Variants in FANCL observed in about 807,000 individuals in gnomAD.
FANCL encodes the protein FA complementation group L.
In FANCL, 69 loss-of-function variants were observed where a neutral mutation model predicts 59.4. That is an observed-to-expected ratio of 1.16 (90% CI 0.96 to 1.42). The LOEUF (loss-of-function observed/expected upper bound fraction) is 1.42, where lower values mean the gene tolerates loss of function less well. Ranked by LOEUF, FANCL falls within the 40% of genes most tolerant of loss-of-function variation. FANCL has a pLI of 0.00. For missense variants in FANCL, 519 were observed against 447.2 expected (o/e 1.16, Z -1.45); for synonymous variants, 180 against 147.1 (o/e 1.22, Z -1.62).
chr2:58,223,932 C>CA (rs1469980000), intron 4 of FANCL, among the ~76,000 whole-genome samples: 1 of 151,860 alleles, frequency 6.6e-6, no homozygotes, highest in African/African-American at 2.4e-5. Context: ...CTATTACTTA[C>CA]AATACAGCCT....
At chr2:58,161,183 C>CG (rs1359647140) in intron 12 of FANCL, among the ~76,000 whole-genome samples, 1 of 151,954 alleles carries the variant, frequency 6.6e-6, no homozygotes, top group African/African-American at 2.4e-5. Flanking sequence ...ACCTCCACCT[C>CG]GGGTAAACCT....
intron 5 of FANCL, among the ~76,000 whole-genome samples, chr2:58,209,841 T>TA (rs1428203151): frequency 1.3e-5 from 2 of 152,182 alleles, no homozygotes; most frequent in Non-Finnish European, 2.9e-5. Flanking sequence ...CCCAATATGT[T>TA]AAAAATCTTC....
intron 7 of FANCL, among the ~76,000 whole-genome samples, chr2:58,176,167 G>A (rs1365308927): frequency 1.3e-5 from 2 of 152,026 alleles, no homozygotes; most frequent in African/African-American, 4.8e-5. Flanking sequence ...ATGCTCATGG[G>A]TAGGAAGAAT....
chr2:58,175,628 C>G (rs371115914), intron 7 of FANCL, among the ~76,000 whole-genome samples: 1 of 152,068 alleles, frequency 6.6e-6, no homozygotes, highest in Non-Finnish European at 1.5e-5. Context: ...ATTGATGGGA[C>G]GTATCTCAAA....
chr2:58,216,245 C>A (rs1429951448), intron 5 of FANCL, among the ~76,000 whole-genome samples: 1 of 152,176 alleles, frequency 6.6e-6, no homozygotes, highest in African/African-American at 2.4e-5. Context: ...AACTACAACC[C>A]ATCCTGAACC....
chr2:58,217,604 C>T (rs999050024), intron 5 of FANCL, among the ~76,000 whole-genome samples: 8 of 151,694 alleles, frequency 5.3e-5, no homozygotes, highest in African/African-American at 1.5e-4. Flanking sequence ...TGAAAAGAAA[C>T]ATGTCCTAAT....
chr2:58,186,146 T>C (rs1370897673), intron 7 of FANCL, among the ~76,000 whole-genome samples: 1 of 152,168 alleles, frequency 6.6e-6, no homozygotes, highest in Non-Finnish European at 1.5e-5. Context: ...AGTGCAGCCT[T>C]TGATTTATAA....
At chr2:58,230,247 T>A (rs1375921199) in intron 2 of FANCL, among the ~76,000 whole-genome samples, 1 of 152,216 alleles carries the variant, frequency 6.6e-6, no homozygotes, top group Non-Finnish European at 1.5e-5. Context: ...TGAAAAAGCA[T>A]GTGTAGCAAT....
At chr2:58,212,330 C>T (rs1485923964) in intron 5 of FANCL, among the ~76,000 whole-genome samples, 2 of 152,128 alleles carry the variant, frequency 1.3e-5, no homozygotes, top group African/African-American at 2.4e-5. Flanking sequence ...GGGGAAACTG[C>T]CCCCGTGATT....
Position 58,159,757 on chromosome 2 carries a change from T to G in FANCL, c.*8A>C, listed in dbSNP as rs779275069. On this transcript the variant is annotated 3_prime_UTR_variant, in exon 14 of 14. Transcript: ENST00000233741. ...TCCAGCTCTTCACCGAAATGTTGTATTCTTATTTCAGTGTTTCCTTCCAGA... is the reference window on the plus strand; with the variant it reads ...TCCAGCTCTTCACCGAAATGTTGTAGTCTTATTTCAGTGTTTCCTTCCAGA... 3.1e-6 allele frequency: 5 copies of G among 1,613,266 alleles called. No individual in the cohort carries two copies. Among genetic ancestry groups the G allele is most frequent in the Non-Finnish European group, 4.2e-6 (5 of 1,179,590 alleles).
intron 3 of FANCL, 62 bp downstream of exon 3, chr2:58,229,752 A>G: frequency 8.0e-7 from 1 of 1,251,666 alleles, no homozygotes; most frequent in Non-Finnish European, 1.2e-6. Context: ...GTCTTTAAAG[A>G]ACAATAAATT....
intron 5 of FANCL, among the ~76,000 whole-genome samples, chr2:58,213,238 A>C (rs567248753): frequency 4.7e-4 from 71 of 152,338 alleles, no homozygotes; most frequent in Non-Finnish European, 9.1e-4. Flanking sequence ...TCAAAAGATA[A>C]TTTAAATTAA....
At chr2:58,210,458 G>A (rs1332812228) in intron 5 of FANCL, among the ~76,000 whole-genome samples, 4 of 152,158 alleles carry the variant, frequency 2.6e-5, no homozygotes, top group African/African-American at 9.7e-5. Flanking sequence ...TACAATTCAA[G>A]ATGAGACTTG....
intron 7 of FANCL, among the ~76,000 whole-genome samples, chr2:58,196,569 T>C (rs1012169185): frequency 6.6e-6 from 1 of 151,956 alleles, no homozygotes; most frequent in African/African-American, 2.4e-5. Flanking sequence ...ATTTATTCCA[T>C]GCTTATATGA....
chr2:58,162,984 T>C (rs1232261540), intron 10 of FANCL, 37 bp from the exon 11 acceptor site: 2 of 1,612,312 alleles, frequency 1.2e-6, no homozygotes, highest in African/African-American at 1.3e-5. Context: ...CTGTGAACTT[T>C]GTAAAATCAC....
chr2:58,183,226 A>G (rs34335951), intron 7 of FANCL, among the ~76,000 whole-genome samples: 22,022 of 151,842 alleles, frequency 0.15, 1,961 homozygotes, highest in African/African-American at 0.25. Flanking sequence ...GAATAAAGAC[A>G]TAATTCCCTA....
intron 7 of FANCL, among the ~76,000 whole-genome samples, chr2:58,167,512 T>C (rs1233198483): frequency 6.6e-6 from 1 of 152,224 alleles, no homozygotes; most frequent in East Asian, 1.9e-4. Context: ...AAAAGAGTTA[T>C]AAAATATTTT....
Position 58,165,750 on chromosome 2 carries a change from C to T in FANCL, c.665G>A (p.Ser222Asn), listed in dbSNP as rs1382197936. ...WVLEPEKPPRSATARRIALGN... is the reference protein window; with the variant it reads ...WVLEPEKPPRNATARRIALGN... ...TAATGCAATTCTGCGTGCTGTTGCA[C>T]TCCGTGGAGGTTTTTCTGGCTCAAG... Residue 222 changes from serine (S) to asparagine (N), a missense_variant, in exon 8 of 14, where the codon AGT (serine) becomes AAT (asparagine). Transcript: ENST00000233741. 1 of 1,614,088 alleles carries T rather than the reference C, an allele frequency of 6.2e-7. No individual in the cohort carries two copies. The highest frequency in any genetic ancestry group is 8.5e-7 in the Non-Finnish European group (1 of 1,179,978).
chr2:58,206,209 A>C (rs918938155), intron 5 of FANCL, among the ~76,000 whole-genome samples: 6 of 152,148 alleles, frequency 3.9e-5, no homozygotes, highest in Non-Finnish European at 8.8e-5. Flanking sequence ...AAGAAACAGT[A>C]AAGCTAATGG....
Sources: allele counts gnomAD v4.1 joint callset (sites outside exome capture counted in the v4.1 genomes callset), GRCh38; gene constraint gnomAD v4.1.1; transcripts MANE v1.5; gene names NCBI Gene and HGNC (gene_info 2026-07-23, HGNC 2026-07-21).